FOXP2: variants seen among roughly 807,000 people sequenced by gnomAD.
The protein encoded by FOXP2 is forkhead box protein P2.
FOXP2 carries 12 observed loss-of-function variants against 115.8 expected under a neutral mutation model. The observed-to-expected ratio is 0.10, with a 90% CI of 0.07 to 0.17. FOXP2 has a LOEUF of 0.17. FOXP2 is among the 10% of genes least tolerant of loss of function. The pLI, the probability that FOXP2 is intolerant of heterozygous loss-of-function variation, is 1.00. For missense variants in FOXP2, 629 were observed against 843.5 expected (o/e 0.75, Z 3.15); for synonymous variants, 328 against 297.7 (o/e 1.10, Z -1.05).
rs1292205669 is a variant in FOXP2 at position 114,253,773 on chromosome 7, G to C, written c.-101-34246G>C. On this transcript the variant is annotated intron_variant, in intron 1 of 17. Coordinates refer to the FOXP2 transcript ENST00000634411. Reference sequence around the variant, plus strand: ...TTTGTCAGTCTGTGTATTTTAATTGGAGCATGTAGTGCATTTACATTTAAG... The same window carrying C: ...TTTGTCAGTCTGTGTATTTTAATTGCAGCATGTAGTGCATTTACATTTAAG... 1.1e-4 allele frequency among the ~76,000 whole-genome samples: 17 copies of C among 152,222 alleles called. 1 individual carries two copies. In the South Asian group the frequency reaches 1.5e-3, roughly 13 times the overall value.
intron 2 of FOXP2, among the ~76,000 whole-genome samples, chr7:114,483,128 C>T (rs771970989): frequency 3.6e-4 from 54 of 151,060 alleles, no homozygotes; most frequent in Non-Finnish European, 4.6e-4. Context: ...TTTTTTTTTC[C>T]AGTCAGTGAG....
In FOXP2 at chr7:114,172,780, AAT is replaced by A. The variant is rs370218920; in HGVS notation, c.-102+9693_-102+9694del. On this transcript the variant is annotated intron_variant, in intron 1 of 17. Coordinates refer to the FOXP2 transcript ENST00000634411. ...CAAAGTAAAAAAGAATTAAAAAGGCAATCTCAATGATTCTAAGTAGAATTCTG... is the reference window on the plus strand; with the variant it reads ...CAAAGTAAAAAAGAATTAAAAAGGCACTCAATGATTCTAAGTAGAATTCTG... 8.3e-4 allele frequency among the ~76,000 whole-genome samples: 127 copies of A among 152,292 alleles called. 1 individual carries two copies. Among genetic ancestry groups the A allele is most frequent in the African/African-American group, 2.8e-3 (115 of 41,570 alleles).
intron 1 of FOXP2, among the ~76,000 whole-genome samples, chr7:114,198,714 C>T (rs1793977705): frequency 6.6e-6 from 1 of 152,160 alleles, no homozygotes; most frequent in South Asian, 2.1e-4. Flanking sequence ...TCTAGAATAT[C>T]TTAATGTTTG....
chr7:114,586,211 A>G (rs1381843223), intron 3 of FOXP2, among the ~76,000 whole-genome samples: 2 of 152,168 alleles, frequency 1.3e-5, no homozygotes, highest in Non-Finnish European at 2.9e-5. Context: ...CTAATTAAGA[A>G]CTATACTATT....
chr7:114,626,447 C>G (rs999293147), intron 3 of FOXP2, among the ~76,000 whole-genome samples: 1 of 151,640 alleles, frequency 6.6e-6, no homozygotes, highest in Admixed American at 6.6e-5. Context: ...ATAATTAAAA[C>G]GCTATATACT....
intron 16 of FOXP2, among the ~76,000 whole-genome samples, chr7:114,683,629 A>T (rs1307391384): frequency 2.0e-5 from 3 of 152,184 alleles, no homozygotes; most frequent in Non-Finnish European, 4.4e-5. Flanking sequence ...TAGGAAGTAG[A>T]CACAGTGTGA....
At chr7:114,191,497 C>A (rs981132894) in intron 1 of FOXP2, among the ~76,000 whole-genome samples, 1 of 152,156 alleles carries the variant, frequency 6.6e-6, no homozygotes, top group African/African-American at 2.4e-5. Context: ...TATTGCTGGA[C>A]CCTCAAGCAC....
At chr7:114,526,964 C>T (rs922920933) in intron 2 of FOXP2, among the ~76,000 whole-genome samples, 4 of 150,242 alleles carry the variant, frequency 2.7e-5, no homozygotes, top group African/African-American at 7.4e-5. Flanking sequence ...TTCTATCTTA[C>T]GTCTGGGCCC....
intron 3 of FOXP2, among the ~76,000 whole-genome samples, chr7:114,543,257 T>C (rs1799768093): frequency 6.6e-6 from 1 of 152,126 alleles, no homozygotes; most frequent in South Asian, 2.1e-4. Flanking sequence ...AAAATGAAAA[T>C]TGTATTCTCT....
At chr7:114,197,314 A>C (rs1793938887) in intron 1 of FOXP2, among the ~76,000 whole-genome samples, 1 of 152,214 alleles carries the variant, frequency 6.6e-6, no homozygotes, top group Admixed American at 6.5e-5. Flanking sequence ...AACAACAAAA[A>C]TTTATTTTCT....
At chr7:114,490,941 T>C (rs1269463284) in intron 2 of FOXP2, among the ~76,000 whole-genome samples, 2 of 152,226 alleles carry the variant, frequency 1.3e-5, no homozygotes, top group Non-Finnish European at 2.9e-5. Flanking sequence ...GTCTTTGCTA[T>C]TGTGAATAGT....
rs147031104 is a variant in FOXP2, at chr7:114,117,424, G to A, written c.-247+29586G>A. ...TTCAGTAGAGACAGGGTTTCGCCAC[G>A]TTGGCCAGGCTGGTTTTGAACTCCT... On this transcript the variant is annotated intron_variant, in intron 1 of 19. Transcript: ENST00000635638. 3.8e-3 allele frequency among the ~76,000 whole-genome samples: 578 copies of A among 151,846 alleles called. 2 individuals are homozygous for A. The highest frequency in any genetic ancestry group is 5.5e-3 in the Non-Finnish European group (376 of 67,908).
intron 2 of FOXP2, among the ~76,000 whole-genome samples, chr7:114,362,606 G>A (rs1471688431): frequency 1.3e-5 from 2 of 151,976 alleles, no homozygotes; most frequent in Non-Finnish European, 2.9e-5. Flanking sequence ...AGGGAAGCTG[G>A]ATACTTAAGC....
chr7:114,381,644 G>C (rs899008048), intron 2 of FOXP2, among the ~76,000 whole-genome samples: 1 of 152,178 alleles, frequency 6.6e-6, no homozygotes, highest in Non-Finnish European at 1.5e-5. Flanking sequence ...GGAAAGCAGA[G>C]TATAAAGGTT....
intron 1 of FOXP2, among the ~76,000 whole-genome samples, chr7:114,173,391 CT>C (rs1294151241): frequency 7.0e-6 from 1 of 142,620 alleles, no homozygotes; most frequent in African/African-American, 2.6e-5. Flanking sequence ...TTCTCTTTTT[CT>C]TCTTTACTTT....
Position 114,378,684 on chromosome 7 carries a change from C to CAAAAAAAAAAAAAAAAAAAAAAAA in FOXP2, c.-10-47801_-10-47800insAAAAAAAAAAAAAAAAAAAAAAAA, listed in dbSNP as rs398005920. On this transcript the variant is annotated intron_variant, in intron 2 of 17. Coordinates refer to the FOXP2 transcript ENST00000634411. ...GTGAGACAATGTAAGACCCTGTCTC[C>CAAAAAAAAAAAAAAAAAAAAAAAA]AAAAAAAAAAAAAAAAAGGAAAAGA... 3.2e-3 allele frequency among the ~76,000 whole-genome samples: 58 copies of CAAAAAAAAAAAAAAAAAAAAAAAA among 18,056 alleles called. 4 individuals are homozygous for CAAAAAAAAAAAAAAAAAAAAAAAA. Among genetic ancestry groups the CAAAAAAAAAAAAAAAAAAAAAAAA allele is most frequent in the East Asian group, 0.013 (5 of 400 alleles). The allele number at this position is 18,056 out of a possible 152,430, so 11.8% of individuals were successfully genotyped here. A position where few individuals can be genotyped will look rare whatever the true frequency, so the allele number is the denominator to read the frequency against.
chr7:114,323,123 G>A (rs1797468728), intron 2 of FOXP2, among the ~76,000 whole-genome samples: 2 of 152,130 alleles, frequency 1.3e-5, no homozygotes, highest in Admixed American at 6.5e-5. Flanking sequence ...TTTTTGACAT[G>A]TTTTCTACCA....
chr7:114,565,333 A>G (rs557437871), intron 3 of FOXP2, among the ~76,000 whole-genome samples: 1 of 152,280 alleles, frequency 6.6e-6, no homozygotes, highest in East Asian at 1.9e-4. Context: ...CATAGTAGGT[A>G]CTGAAAAGTG....
chr7:114,094,400 A>C (rs1034883042), intron 1 of FOXP2, among the ~76,000 whole-genome samples: 1 of 152,196 alleles, frequency 6.6e-6, no homozygotes, highest in Admixed American at 6.5e-5. Flanking sequence ...TTAAAATTGC[A>C]CTAACTTGCT....
Sources: allele counts gnomAD v4.1 joint callset (sites outside exome capture counted in the v4.1 genomes callset), GRCh38; gene constraint gnomAD v4.1.1; transcripts MANE v1.5; gene names NCBI Gene and HGNC (gene_info 2026-07-23, HGNC 2026-07-21).